The following COLGALT1 variants were observed in gnomAD, a reference collection of about 807,000 sequenced individuals.
The protein encoded by COLGALT1 is procollagen galactosyltransferase 1.
A neutral mutation model predicts 60.8 loss-of-function variants in COLGALT1; 43 were observed. The observed-to-expected ratio is 0.71, with a 90% CI of 0.55 to 0.91. The LOEUF is 0.91. COLGALT1 is among the 40% of genes least tolerant of loss of function. The pLI, the probability that COLGALT1 is intolerant of heterozygous loss-of-function variation, is 0.00. For synonymous variants in COLGALT1, 369 were observed against 374.2 expected (o/e 0.99, Z 0.16); for missense variants, 845 against 880.0 (o/e 0.96, Z 0.50).
At chr19:17,557,983 G>A (rs552048506) in intron 1 of COLGALT1, among the ~76,000 whole-genome samples, 56 of 152,062 alleles carry the variant, frequency 3.7e-4, no homozygotes, top group Non-Finnish European at 6.5e-4. Flanking sequence ...CGTTGCTGAG[G>A]CTGGAGTGCA....
chr19:17,559,275 C>T (rs1384767158), intron 1 of COLGALT1, 36 bp from the exon 2 acceptor site: 1 of 1,489,104 alleles, frequency 6.7e-7, no homozygotes, highest in Admixed American at 2.0e-5. Context: ...CTGCCTCAGT[C>T]TCCCCAAGTA....
chr19:17,575,259 T>G (rs113767548), intron 6 of COLGALT1, among the ~76,000 whole-genome samples: 4,387 of 152,188 alleles, frequency 0.029, 189 homozygotes, highest in African/African-American at 0.094. Context: ...TTGTTTGTTT[T>G]TTTTGAGACG....
chr19:17,558,897 C>T (rs1465889615), intron 1 of COLGALT1, among the ~76,000 whole-genome samples: 3 of 151,894 alleles, frequency 2.0e-5, no homozygotes, highest in Admixed American at 6.6e-5. Context: ...CGGTGGCTCA[C>T]GCTTGTTAAG....
At chr19:17,564,061 C>CG (rs1472143012) in intron 3 of COLGALT1, among the ~76,000 whole-genome samples, 4 of 16,818 alleles carry the variant, frequency 2.4e-4, no homozygotes, top group Admixed American at 8.8e-4. Flanking sequence ...CATAGTGAGA[C>CG]CCCCCCCATC....
intron 5 of COLGALT1, among the ~76,000 whole-genome samples, chr19:17,571,704 C>T (rs546915516): frequency 1.2e-4 from 18 of 151,838 alleles, no homozygotes; most frequent in Non-Finnish European, 2.2e-4. Flanking sequence ...GGCGACAGAA[C>T]GAGACTCTGT....
In COLGALT1 at chr19:17,559,391, C is replaced by G; in HGVS notation, c.341C>G (p.Ser114Cys). 6.4e-7 allele frequency: 1 copy of G among 1,552,136 alleles called. No individual in the cohort carries two copies. Among genetic ancestry groups the G allele is most frequent in the Non-Finnish European group, 8.7e-7 (1 of 1,147,256 alleles). ...WLVAVKSLYH[S>C]VEWRPAEEPR... ...GTGGCCGTGAAGAGTTTGTACCATT[C>G]CGTGGAGTGGCGGCCAGCAGAGGAG... Residue 114 changes from serine to cysteine, a missense_variant, in exon 2 of 12, where the codon TCC (serine) becomes TGC (cysteine). Transcript: ENST00000252599.
rs1040018159 is a variant in COLGALT1 at position 17,582,732 on chromosome 19, C to G, written c.*1288C>G. On this transcript the variant is annotated 3_prime_UTR_variant, in exon 12 of 12. Coordinates refer to ENST00000252599, the MANE Select transcript of COLGALT1 (RefSeq NM_024656.4). ...CGTCTGAGCTGTGTGCAGACAACAT[C>G]CCCCCACCACCCAAGAGGGAGGGTA... is the stretch of plus-strand genomic sequence containing the variant. The G allele has an allele frequency of 2.6e-5, 4 of 152,276 alleles. No homozygotes were observed. The highest frequency in any genetic ancestry group is 9.7e-5 in the African/African-American group (4 of 41,426). 9.4% of individuals were successfully genotyped at this position (152,276 alleles called of 1,614,324 possible).
chr19:17,558,882 G>A (rs1199592475), intron 1 of COLGALT1, among the ~76,000 whole-genome samples: 3 of 152,012 alleles, frequency 2.0e-5, no homozygotes, highest in East Asian at 1.9e-4. Context: ...GAAATGGGCC[G>A]GGCGCGGTGG....
Position 17,578,065 on chromosome 19 carries a change from G to A in COLGALT1, c.1242G>A (p.Leu414=). 6.2e-7 allele frequency: 1 copy of A among 1,610,486 alleles called. No individual in the cohort carries two copies. The highest frequency in any genetic ancestry group is 1.3e-5 in the African/African-American group (1 of 74,988). Residue 414 remains leucine (L), a synonymous_variant, in exon 9 of 12, where the codon CTG becomes CTA. Coordinates refer to ENST00000252599, the MANE Select transcript of COLGALT1 (RefSeq NM_024656.4). ...CCAAGGGTGAGCTGGGCTGCTTCCTGAGCCACTACAACATCTGGAAGGAGG... is the reference window on the plus strand; with the variant it reads ...CCAAGGGTGAGCTGGGCTGCTTCCTAAGCCACTACAACATCTGGAAGGAGG... ...PLTKGELGCF[L]SHYNIWKEVV... is the part of the protein sequence containing the mutation.
intron 3 of COLGALT1, among the ~76,000 whole-genome samples, chr19:17,564,216 C>T (rs1225151536): frequency 2.6e-5 from 4 of 151,898 alleles, no homozygotes; most frequent in African/African-American, 2.4e-5. Flanking sequence ...TCACTGTACT[C>T]CAGCTTGGGT....
chr19:17,580,443 C>A lies in COLGALT1; in HGVS notation c.1395-256C>A, dbSNP rs1010268976. The stretch of plus-strand genomic sequence containing the variant: ...TCAGAGCAGCTTCAGCCTCAGAGAA[C>A]GTCTGCGTGATCCTGCTCTCCCCAG... On this transcript the variant is annotated intron_variant, in intron 10 of 11. Transcript: ENST00000252599. The A allele has an allele frequency of 5.5e-6, 3 of 547,144 alleles. No homozygotes were observed. The African/African-American group carries it at 5.7e-5, about 10-fold the overall frequency. 33.9% of individuals were successfully genotyped at this position (547,144 alleles called of 1,614,324 possible).
rs1396367837 is a variant in COLGALT1 at position 17,580,945 on chromosome 19, T to C, written c.1601+40T>C. 7 of 1,606,546 alleles carry C rather than the reference T, an allele frequency of 4.4e-6. No homozygotes were observed. The Admixed American group carries it at 1.2e-4, about 27-fold the overall frequency. On this transcript the variant is annotated intron_variant, in intron 11 of 11. Coordinates refer to ENST00000252599, the MANE Select transcript of COLGALT1 (RefSeq NM_024656.4). The stretch of plus-strand genomic sequence containing the variant: ...CGGCTGCTGGGCTGGGGTTTCACGG[T>C]GGGTCTGTCCTGGGAGAATGGGGAT...
intron 6 of COLGALT1, among the ~76,000 whole-genome samples, chr19:17,574,870 T>C (rs1289924953): frequency 1.3e-5 from 2 of 152,044 alleles, no homozygotes; most frequent in South Asian, 4.1e-4. Context: ...TGTCATTTCC[T>C]TTTTTTGAGA....
chr19:17,559,535 C>G, intron 2 of COLGALT1, 114 bp downstream of exon 2: 1 of 789,906 alleles, frequency 1.3e-6, no homozygotes, highest in Non-Finnish European at 2.1e-6. Flanking sequence ...TGCCTCCAGC[C>G]CAGCCAGGCA....
In COLGALT1 at chr19:17,555,871, G is replaced by A; in HGVS notation, c.158G>A (p.Arg53His). The A allele has an allele frequency of 7.2e-7, 1 of 1,379,520 alleles. No homozygotes were observed. Among genetic ancestry groups the A allele is most frequent in the Non-Finnish European group, 9.4e-7 (1 of 1,062,780 alleles). 85.5% of individuals were successfully genotyped at this position (1,379,520 alleles called of 1,614,324 possible). The change falls in exon 1 of 12, where the codon CGC becomes CAC. Residue 53 changes from arginine to histidine, a missense_variant. Transcript: ENST00000252599. ...WSPESPLQAP[R>H]VLIALLARNA... is the part of the protein sequence containing the mutation. ...CCGGAGTCGCCCCTGCAGGCGCCGC[G>A]CGTGCTCATCGCGCTGTTGGCGCGA...
chr19:17,579,246 G>A (rs1384045280), intron 9 of COLGALT1, among the ~76,000 whole-genome samples: 2 of 152,192 alleles, frequency 1.3e-5, no homozygotes, highest in Non-Finnish European at 2.9e-5. Flanking sequence ...GCTGCAAGGC[G>A]GGAGGTGCAT....
Position 17,582,182 on chromosome 19 carries a change from T to G in COLGALT1, c.*738T>G, listed in dbSNP as rs975805801. The G allele has an allele frequency of 6.6e-6, 1 of 152,196 alleles. No homozygotes were observed. Among genetic ancestry groups the G allele is most frequent in the East Asian group, 1.9e-4 (1 of 5,190 alleles). 9.4% of individuals were successfully genotyped at this position (152,196 alleles called of 1,614,324 possible). On this transcript the variant is annotated 3_prime_UTR_variant, in exon 12 of 12. Transcript: ENST00000252599. ...CCTTGGCCACCCAAAGTGCTAGGGT[T>G]ACAGGCATGAGCCACTGTGCCCAGC... is the stretch of plus-strand genomic sequence containing the variant.
chr19:17,562,156 G>A (rs1023794494), intron 3 of COLGALT1, among the ~76,000 whole-genome samples: 4 of 152,202 alleles, frequency 2.6e-5, no homozygotes, highest in African/African-American at 7.2e-5. Context: ...ATAGGTGTGA[G>A]CCACCACATC....
In COLGALT1 at chr19:17,560,452, C is replaced by T; in HGVS notation, c.476C>T (p.Ala159Val). 1 of 1,614,004 alleles carries T rather than the reference C, an allele frequency of 6.2e-7. No homozygotes were observed. The highest frequency in any genetic ancestry group is 8.5e-7 in the Non-Finnish European group (1 of 1,179,870). ...AALKSARDMW[A>V]DYILFVDADN... ...CTGAAATCAGCTCGAGACATGTGGGCTGATTACATCCTGGTAAGTTTCTCA... is the reference window on the plus strand; with the variant it reads ...CTGAAATCAGCTCGAGACATGTGGGTTGATTACATCCTGGTAAGTTTCTCA... The change falls in exon 3 of 12, where the codon GCT becomes GTT. Residue 159 changes from alanine (A) to valine (V), a missense_variant. Physicochemically the swap from Ala to Val is moderately conservative, Grantham distance 64 (BLOSUM62 0). Coordinates refer to ENST00000252599, the MANE Select transcript of COLGALT1 (RefSeq NM_024656.4).
Sources: gnomAD v4.1 joint callset for allele counts (sites outside exome capture counted in the v4.1 genomes callset) on GRCh38, gnomAD v4.1.1 for gene constraint, MANE v1.5 for transcripts, NCBI Gene and HGNC (gene_info 2026-07-23, HGNC 2026-07-21) for gene names.